The following SUMF1 variants were observed in gnomAD, a reference collection of about 807,000 sequenced individuals.
SUMF1 encodes sulfatase modifying factor 1.
In SUMF1, 48 loss-of-function variants were observed where a neutral mutation model predicts 47.6. The observed-to-expected ratio is 1.01, with a 90% CI of 0.80 to 1.28. The LOEUF (loss-of-function observed/expected upper bound fraction) is 1.28. SUMF1 is among the 50% of genes most tolerant of loss of function. The probability of loss-of-function intolerance (pLI) is 0.00; values close to 1 mark genes in which losing one functional copy is unlikely to be tolerated. For missense variants in SUMF1, 571 were observed against 485.4 expected, an observed-to-expected ratio of 1.18 and a Z score of -1.66; for synonymous variants, 230 against 192.1, an observed-to-expected ratio of 1.20 and a Z score of -1.63.
chr3:4,109,314 C>T (rs1410072517), intron 8 of SUMF1, among the ~76,000 whole-genome samples: 4 of 152,218 alleles, frequency 2.6e-5, no homozygotes, highest in South Asian at 2.1e-4. Flanking sequence ...TGATGGGCTT[C>T]CCTTTGTGGG....
chr3:4,438,976 G>A (rs1433486813), intron 3 of SUMF1, among the ~76,000 whole-genome samples: 1 of 152,164 alleles, frequency 6.6e-6, no homozygotes, highest in African/African-American at 2.4e-5. Context: ...CATTGAGTTA[G>A]ATCTCAGGAC....
chr3:4,399,708 T>C (rs767725870), intron 7 of SUMF1, among the ~76,000 whole-genome samples: 1 of 152,224 alleles, frequency 6.6e-6, no homozygotes, highest in Admixed American at 6.5e-5. Flanking sequence ...ATGCCAACTC[T>C]GGCAGAGTCT....
intron 8 of SUMF1, among the ~76,000 whole-genome samples, chr3:4,192,548 A>G (rs567654768): frequency 4.6e-5 from 7 of 152,166 alleles, no homozygotes; most frequent in East Asian, 1.9e-4. Context: ...ATACTATTGT[A>G]TAATAAAGAA....
chr3:4,451,288 A>G (rs1458525468), intron 2 of SUMF1, among the ~76,000 whole-genome samples: 1 of 152,168 alleles, frequency 6.6e-6, no homozygotes, highest in Non-Finnish European at 1.5e-5. Context: ...CAACAAAAAT[A>G]TGATTAAAAA....
intron 8 of SUMF1, among the ~76,000 whole-genome samples, chr3:4,130,944 G>A (rs1034513278): frequency 3.3e-5 from 5 of 152,114 alleles, no homozygotes; most frequent in Admixed American, 3.3e-4. Context: ...ATGTCTGACA[G>A]GTAGGGATGC....
chr3:4,211,491 G>A (rs1406296480), intron 8 of SUMF1, among the ~76,000 whole-genome samples: 2 of 151,764 alleles, frequency 1.3e-5, no homozygotes, highest in Non-Finnish European at 2.9e-5. Context: ...AGGTAAACAT[G>A]AAAGAGAAAA....
At chr3:4,421,172 C>G (rs1001937000) in intron 3 of SUMF1, among the ~76,000 whole-genome samples, 1 of 152,186 alleles carries the variant, frequency 6.6e-6, no homozygotes, top group Non-Finnish European at 1.5e-5. Context: ...TGGAGCCAGT[C>G]AAAATGAGAT....
At chr3:4,310,998 G>C (rs562071225) in intron 8 of SUMF1, among the ~76,000 whole-genome samples, 1 of 152,234 alleles carries the variant, frequency 6.6e-6, no homozygotes, top group East Asian at 1.9e-4. Flanking sequence ...GAGTTTGACT[G>C]ATAGAGCATC....
intron 8 of SUMF1, among the ~76,000 whole-genome samples, chr3:4,232,609 A>G: frequency 6.8e-6 from 1 of 147,088 alleles, no homozygotes; most frequent in South Asian, 2.1e-4. Context: ...AAAAGAAAAC[A>G]AAAAAAAATG....
At chr3:4,277,362 AT>A (rs1697440706) in intron 8 of SUMF1, among the ~76,000 whole-genome samples, 1 of 152,190 alleles carries the variant, frequency 6.6e-6, no homozygotes, top group African/African-American at 2.4e-5. Flanking sequence ...TTACATATAA[AT>A]AATATGTCTA....
chr3:4,070,755 C>T (rs1482652297), intron 8 of SUMF1, among the ~76,000 whole-genome samples: 1 of 152,048 alleles, frequency 6.6e-6, no homozygotes, highest in Non-Finnish European at 1.5e-5. Flanking sequence ...CCTGCCTCAG[C>T]CTCCTGAGTA....
chr3:4,208,718 G>A (rs901110622), intron 8 of SUMF1, among the ~76,000 whole-genome samples: 1 of 151,944 alleles, frequency 6.6e-6, no homozygotes, highest in Non-Finnish European at 1.5e-5. Flanking sequence ...TAGACTGGAC[G>A]TGACTAAGGA....
intron 8 of SUMF1, among the ~76,000 whole-genome samples, chr3:4,110,737 G>T (rs183168639): frequency 6.6e-6 from 1 of 150,490 alleles, no homozygotes; most frequent in Admixed American, 6.7e-5. Context: ...GCAATCTATC[G>T]CAAGGACAAA....
At chr3:4,071,288 G>A (rs1695517794) in intron 8 of SUMF1, among the ~76,000 whole-genome samples, 2 of 152,124 alleles carry the variant, frequency 1.3e-5, no homozygotes, top group South Asian at 2.1e-4. Flanking sequence ...TCATCTCATT[G>A]AGACTGGATG....
chr3:4,347,711 G>A (rs1015977636), intron 8 of SUMF1, among the ~76,000 whole-genome samples: 1 of 152,092 alleles, frequency 6.6e-6, no homozygotes, highest in Non-Finnish European at 1.5e-5. Context: ...AGAAATAAAG[G>A]GTATTCAATA....
At chr3:4,444,968 C>T (rs964267729) in intron 3 of SUMF1, among the ~76,000 whole-genome samples, 1 of 152,162 alleles carries the variant, frequency 6.6e-6, no homozygotes, top group Admixed American at 6.5e-5. Context: ...GCCATGAAGC[C>T]ATGAAGGACT....
chr3:4,187,767 A>T (rs1695232462), intron 8 of SUMF1, among the ~76,000 whole-genome samples: 1 of 152,056 alleles, frequency 6.6e-6, no homozygotes, highest in African/African-American at 2.4e-5. Flanking sequence ...TTGATTAGTA[A>T]ATTTCTTCCA....
chr3:4,208,590 T>C (rs1156533640), intron 8 of SUMF1, among the ~76,000 whole-genome samples: 2 of 151,784 alleles, frequency 1.3e-5, no homozygotes, highest in Non-Finnish European at 2.9e-5. Context: ...CTAAGGTTAA[T>C]GGCAGAAAAG....
chr3:4,128,511 G>A (rs1035359826), intron 8 of SUMF1, among the ~76,000 whole-genome samples: 1 of 152,086 alleles, frequency 6.6e-6, no homozygotes, highest in Non-Finnish European at 1.5e-5. Flanking sequence ...TGGGGCAACA[G>A]TGTTGGCCTC....
Sources: gnomAD v4.1 joint callset for allele counts (sites outside exome capture counted in the v4.1 genomes callset) on GRCh38, gnomAD v4.1.1 for gene constraint, MANE v1.5 for transcripts, NCBI Gene and HGNC (gene_info 2026-07-23, HGNC 2026-07-21) for gene names.